Variants in FAM171A1 observed in about 807,000 individuals in gnomAD.
FAM171A1 encodes family with sequence similarity 171 member A1.
Under a neutral mutation model 74.9 loss-of-function variants are expected in FAM171A1, and 23 were observed. That is an observed-to-expected ratio of 0.31 (90% CI 0.22 to 0.44). The LOEUF (loss-of-function observed/expected upper bound fraction) is 0.44. Among genes scored for constraint, FAM171A1 ranks in the 20% least tolerant of loss-of-function variants. The probability of loss-of-function intolerance (pLI) is 1.00; values close to 1 mark genes in which losing one functional copy is unlikely to be tolerated. For missense variants in FAM171A1, 1,162 were observed against 1,159.2 expected, an observed-to-expected ratio of 1.00 and a Z score of -0.03; for synonymous variants, 527 against 505.7, an observed-to-expected ratio of 1.04 and a Z score of -0.57.
chr10:15,324,838 G>A (rs1588554343), intron 1 of FAM171A1, among the ~76,000 whole-genome samples: 1 of 152,184 alleles, frequency 6.6e-6, no homozygotes, highest in East Asian at 1.9e-4. Flanking sequence ...CACGGATTCA[G>A]TAACATATCA....
intron 3 of FAM171A1, among the ~76,000 whole-genome samples, chr10:15,270,063 A>C (rs1173300625): frequency 2.0e-5 from 3 of 152,114 alleles, no homozygotes; most frequent in Non-Finnish European, 4.4e-5. Context: ...GGTGCAGCCC[A>C]CGGAGCATGG....
chr10:15,223,014 A>T (rs917654234), intron 5 of FAM171A1, among the ~76,000 whole-genome samples: 2 of 152,192 alleles, frequency 1.3e-5, no homozygotes, highest in African/African-American at 4.8e-5. Context: ...ACTATTGTAC[A>T]AGGGGAGCGA....
At chr10:15,244,151 C>T (rs899383514) in intron 5 of FAM171A1, among the ~76,000 whole-genome samples, 1 of 152,000 alleles carries the variant, frequency 6.6e-6, no homozygotes, top group Non-Finnish European at 1.5e-5. Context: ...CTCAGGAGTT[C>T]GAGACCACCT....
chr10:15,310,292 C>T (rs1303493078), intron 1 of FAM171A1, among the ~76,000 whole-genome samples: 2 of 152,116 alleles, frequency 1.3e-5, no homozygotes, highest in Admixed American at 6.6e-5. Flanking sequence ...AATCATCACA[C>T]GGTTTCTCTT....
intron 1 of FAM171A1, among the ~76,000 whole-genome samples, chr10:15,350,649 C>CT (rs761496484): frequency 0.049 from 6,189 of 125,126 alleles, 236 homozygotes; most frequent in African/African-American, 0.11. Flanking sequence ...CCAATTCTCT[C>CT]TTTTTTTTTT....
intron 1 of FAM171A1, among the ~76,000 whole-genome samples, chr10:15,368,798 A>G (rs928861490): frequency 6.6e-6 from 1 of 152,224 alleles, no homozygotes; most frequent in Non-Finnish European, 1.5e-5. Flanking sequence ...ACTACGTCAT[A>G]CTACAGCAAG....
intron 1 of FAM171A1, among the ~76,000 whole-genome samples, chr10:15,359,014 G>A (rs1001189970): frequency 6.6e-6 from 1 of 152,178 alleles, no homozygotes; most frequent in East Asian, 1.9e-4. Context: ...TATAGAGGGA[G>A]AATGATATTT....
chr10:15,324,126 C>T (rs749968703), intron 1 of FAM171A1, among the ~76,000 whole-genome samples: 1 of 152,160 alleles, frequency 6.6e-6, no homozygotes, highest in African/African-American at 2.4e-5. Flanking sequence ...AACCTCCACC[C>T]CAGCACGTGT....
chr10:15,341,820 T>A (rs542037799), intron 1 of FAM171A1, among the ~76,000 whole-genome samples: 27 of 152,308 alleles, frequency 1.8e-4, no homozygotes, highest in African/African-American at 6.3e-4. Flanking sequence ...AGGTGGGACA[T>A]CACTGCCTAG....
chr10:15,352,273 T>TA (rs1444553867), intron 1 of FAM171A1, among the ~76,000 whole-genome samples: 2 of 151,750 alleles, frequency 1.3e-5, no homozygotes, highest in African/African-American at 2.4e-5. Flanking sequence ...AAATAAAAAT[T>TA]AAAAAACAGA....
At chr10:15,239,993 T>C (rs570081845) in intron 5 of FAM171A1, among the ~76,000 whole-genome samples, 5 of 152,372 alleles carry the variant, frequency 3.3e-5, no homozygotes, top group African/African-American at 1.2e-4. Context: ...GTTTTGGATT[T>C]TGGGGCATTT....
intron 5 of FAM171A1, among the ~76,000 whole-genome samples, chr10:15,237,821 AAG>A (rs1834313248): frequency 6.6e-6 from 1 of 151,656 alleles, no homozygotes; most frequent in South Asian, 2.1e-4. Flanking sequence ...ATTCACCCCT[AAG>A]AGTGATTTTG....
At chr10:15,286,290 T>C (rs1239671781) in intron 1 of FAM171A1, among the ~76,000 whole-genome samples, 2 of 152,162 alleles carry the variant, frequency 1.3e-5, no homozygotes, top group Non-Finnish European at 2.9e-5. Context: ...TTTGTTTGTT[T>C]GTTTGTTTAG....
intron 3 of FAM171A1, among the ~76,000 whole-genome samples, chr10:15,272,903 G>T (rs1373673531): frequency 6.6e-6 from 1 of 152,152 alleles, no homozygotes; most frequent in East Asian, 1.9e-4. Flanking sequence ...TGTGTAGAGA[G>T]AAATTTATAG....
intron 5 of FAM171A1, among the ~76,000 whole-genome samples, chr10:15,246,200 C>T (rs906147361): frequency 1.3e-5 from 2 of 152,068 alleles, no homozygotes; most frequent in Admixed American, 6.6e-5. Context: ...ATGAAGTGCC[C>T]GTCTTGCTTA....
At position 15,242,790 on chromosome 10, in the gene FAM171A1, CA is replaced by C. The variant is rs1055897403; in HGVS notation, c.754+5848del. 5.5e-3 allele frequency among the ~76,000 whole-genome samples: 803 copies of C among 144,912 alleles called. 8 individuals are homozygous for C. Among genetic ancestry groups the C allele is most frequent in the African/African-American group, 0.02 (773 of 39,556 alleles). ...TGGCTGACAGTGCAGGACTCCGTCTCAAAAAAAAAAGGAAGCGGAAATAGGT... is the reference window on the plus strand; with the variant it reads ...TGGCTGACAGTGCAGGACTCCGTCTCAAAAAAAAAGGAAGCGGAAATAGGT... On this transcript the variant is annotated intron_variant, in intron 5 of 7. Coordinates refer to ENST00000378116, the MANE Select transcript of FAM171A1 (RefSeq NM_001010924.2).
chr10:15,234,118 G>A (rs1303745586), intron 5 of FAM171A1, among the ~76,000 whole-genome samples: 2 of 151,906 alleles, frequency 1.3e-5, no homozygotes, highest in Non-Finnish European at 2.9e-5. Flanking sequence ...AGAAGTTTCA[G>A]GCGTGATGAA....
intron 1 of FAM171A1, among the ~76,000 whole-genome samples, chr10:15,312,442 A>G (rs904316325): frequency 2.0e-5 from 3 of 151,596 alleles, no homozygotes; most frequent in African/African-American, 7.3e-5. Context: ...ACTAAGTAAA[A>G]TTAGAGCTTG....
intron 6 of FAM171A1, among the ~76,000 whole-genome samples, chr10:15,219,127 C>T (rs1322586644): frequency 6.6e-6 from 1 of 152,060 alleles, no homozygotes; most frequent in Non-Finnish European, 1.5e-5. Flanking sequence ...CACTAAAATA[C>T]AAAAATTAGC....
Sources: gnomAD v4.1 joint callset for allele counts (sites outside exome capture counted in the v4.1 genomes callset) on GRCh38, gnomAD v4.1.1 for gene constraint, MANE v1.5 for transcripts, NCBI Gene and HGNC (gene_info 2026-07-23, HGNC 2026-07-21) for gene names.